The following APLF variants were observed in gnomAD, a reference collection of about 807,000 sequenced individuals.
APLF encodes the protein aprataxin and PNKP like factor.
Under a neutral mutation model 55.6 loss-of-function variants are expected in APLF, and 61 were observed. That is an observed-to-expected ratio of 1.10 (90% CI 0.89 to 1.36). APLF has a LOEUF of 1.36. Among genes scored for constraint, APLF ranks in the 40% most tolerant of loss-of-function variants. APLF has a pLI of 0.00. For missense variants in APLF, 611 were observed against 602.5 expected (o/e 1.01, Z -0.15); for synonymous variants, 207 against 214.8 (o/e 0.96, Z 0.32).
rs140086803 is a variant in APLF at position 68,538,816 on chromosome 2, G to A, written c.1160+589G>A. ...TATACTTTCATCCATAGTGTTTATA[G>A]TAACATGTTTATAATTACATAACCC... is the stretch of plus-strand genomic sequence containing the variant. On this transcript the variant is annotated intron_variant, in intron 7 of 9. Coordinates refer to ENST00000303795, the MANE Select transcript of APLF (RefSeq NM_173545.3). Among the ~76,000 whole-genome samples the A allele has an allele frequency of 2.1e-3, 324 of 152,164 alleles. 1 individual carries two copies. The highest frequency in any genetic ancestry group is 7.3e-3 in the African/African-American group (304 of 41,524).
At position 68,578,088 on chromosome 2, in the gene APLF, C is replaced by G; in HGVS notation, c.*66C>G. The G allele has an allele frequency of 6.5e-7, 1 of 1,532,628 alleles. No individual in the cohort carries two copies. Among genetic ancestry groups the G allele is most frequent in the South Asian group, 1.3e-5 (1 of 79,642 alleles). The allele number at this position is 1,532,628 out of a possible 1,614,324, so 94.9% of individuals were successfully genotyped here. A position where few individuals can be genotyped will look rare whatever the true frequency, so the allele number is the denominator to read the frequency against. ...TTCTTTGTGGGAAAACATTTATGAA[C>G]TAAGGAGGTACTTAAGTGACAGTTA... On this transcript the variant is annotated 3_prime_UTR_variant, in exon 10 of 10. Transcript: ENST00000303795.
chr2:68,559,266 T>A (rs1671101913), intron 8 of APLF, among the ~76,000 whole-genome samples: 1 of 152,174 alleles, frequency 6.6e-6, no homozygotes, highest in Non-Finnish European at 1.5e-5. Flanking sequence ...GTCAGCTCAG[T>A]TATGTGCCTG....
intron 3 of APLF, among the ~76,000 whole-genome samples, chr2:68,503,480 T>C (rs1015386319): frequency 3.9e-5 from 6 of 152,126 alleles, no homozygotes; most frequent in Non-Finnish European, 5.9e-5. Flanking sequence ...ACTAGACTTA[T>C]AGAAGTAGAT....
At chr2:68,531,670 GTACTCTA>G (rs1223726433) in intron 6 of APLF, among the ~76,000 whole-genome samples, 1 of 152,184 alleles carries the variant, frequency 6.6e-6, no homozygotes, top group Non-Finnish European at 1.5e-5. Flanking sequence ...GAGCCCTTAT[GTACTCTA>G]TTCTCTGAAC....
At chr2:68,476,420 T>A (rs1027258861) in intron 1 of APLF, among the ~76,000 whole-genome samples, 1 of 149,452 alleles carries the variant, frequency 6.7e-6, no homozygotes, top group African/African-American at 2.5e-5. Context: ...GAGGCAGAGA[T>A]TGCAATGAGC....
Position 68,564,657 on chromosome 2 carries a change from CT to C in APLF, c.1287-2680del, listed in dbSNP as rs1464648688. 2.6e-5 allele frequency among the ~76,000 whole-genome samples: 4 copies of C among 152,136 alleles called. No individual in the cohort carries two copies. In the East Asian group the frequency reaches 7.7e-4, roughly 29 times the overall value. On this transcript the variant is annotated intron_variant, in intron 8 of 9. Transcript: ENST00000303795. ...GAGTATGGGTTCTGTTGTTATCTCCCTTTTACATGTGGGAAAACTGAAGCTC... is the reference window on the plus strand; with the variant it reads ...GAGTATGGGTTCTGTTGTTATCTCCCTTTACATGTGGGAAAACTGAAGCTC...
At chr2:68,563,187 G>A (rs1671211906) in intron 8 of APLF, 4 of 985,112 alleles carry the variant, frequency 4.1e-6, no homozygotes, top group African/African-American at 1.7e-5. Flanking sequence ...TATGAAAAGA[G>A]CACGTTCTAG....
chr2:68,562,081 C>A (rs1250270840), intron 8 of APLF, among the ~76,000 whole-genome samples: 1 of 151,754 alleles, frequency 6.6e-6, no homozygotes, highest in South Asian at 2.1e-4. Flanking sequence ...GAAATGATAC[C>A]GTTTGTGATA....
chr2:68,564,166 C>G (rs2104060905), intron 8 of APLF, among the ~76,000 whole-genome samples: 1 of 152,162 alleles, frequency 6.6e-6, no homozygotes. Flanking sequence ...TGACCTGCAC[C>G]AGCATGGTCA....
rs1671674536 is a variant in APLF at position 68,578,302 on chromosome 2, A to T, written c.*280A>T. ...TGGATATTTTTTATGTACTTTGTAT[A>T]TTGGTAATAAAAAGTAAAAGCCATA... On this transcript the variant is annotated 3_prime_UTR_variant, in exon 10 of 10. Transcript: ENST00000303795. 1.8e-6 allele frequency: 2 copies of T among 1,107,298 alleles called. No individual in the cohort carries two copies. Among genetic ancestry groups the T allele is most frequent in the African/African-American group, 1.7e-5 (1 of 60,540 alleles). 68.6% of individuals were successfully genotyped at this position (1,107,298 alleles called of 1,614,324 possible). A position where few individuals can be genotyped will look rare whatever the true frequency, so the allele number is the denominator to read the frequency against.
At chr2:68,531,731 T>C (rs780778888) in intron 6 of APLF, among the ~76,000 whole-genome samples, 19 of 152,376 alleles carry the variant, frequency 1.2e-4, no homozygotes, top group Admixed American at 2.6e-4. Context: ...AGAGAAATTA[T>C]TGTGTTCAGA....
chr2:68,566,296 A>G (rs1250138371), intron 8 of APLF, among the ~76,000 whole-genome samples: 1 of 152,034 alleles, frequency 6.6e-6, no homozygotes, highest in Admixed American at 6.6e-5. Context: ...GCCCTAAAAG[A>G]TATATTATAA....
At chr2:68,487,725 C>A (rs930907360) in intron 1 of APLF, among the ~76,000 whole-genome samples, 4 of 151,974 alleles carry the variant, frequency 2.6e-5, no homozygotes, top group East Asian at 1.9e-4. Flanking sequence ...GTATATCAAT[C>A]GTGACATTAA....
intron 1 of APLF, among the ~76,000 whole-genome samples, chr2:68,486,300 T>G (rs1676172240): frequency 6.6e-6 from 1 of 152,082 alleles, no homozygotes; most frequent in South Asian, 2.1e-4. Context: ...TACTATTGGA[T>G]TTATTTTTTT....
chr2:68,475,636 C>T (rs1033507010), intron 1 of APLF, among the ~76,000 whole-genome samples: 3 of 152,166 alleles, frequency 2.0e-5, no homozygotes, highest in Admixed American at 6.5e-5. Context: ...ATTGCCCCTT[C>T]TTAACATCAG....
At chr2:68,518,606 A>G (rs1217918403) in intron 5 of APLF, among the ~76,000 whole-genome samples, 1 of 113,092 alleles carries the variant, frequency 8.8e-6, no homozygotes, top group Non-Finnish European at 1.7e-5. Flanking sequence ...TATATAATAT[A>G]TCATTAATAT....
rs1039426673 is a variant in APLF at position 68,578,274 on chromosome 2, A to G, written c.*252A>G. 1.8e-5 allele frequency: 22 copies of G among 1,205,250 alleles called. No individual in the cohort carries two copies. Among genetic ancestry groups the G allele is most frequent in the Non-Finnish European group, 2.3e-5 (22 of 964,932 alleles). 74.7% of individuals were successfully genotyped at this position (1,205,250 alleles called of 1,614,324 possible). A position where few individuals can be genotyped will look rare whatever the true frequency, so the allele number is the denominator to read the frequency against. The stretch of plus-strand genomic sequence containing the variant: ...TAGGAAGACAGAGAAGGTAGAGTAA[A>G]AATGGATATTTTTTATGTACTTTGT... On this transcript the variant is annotated 3_prime_UTR_variant, in exon 10 of 10. Coordinates refer to ENST00000303795, the MANE Select transcript of APLF (RefSeq NM_173545.3).
chr2:68,559,889 A>G (rs776382926), intron 8 of APLF, among the ~76,000 whole-genome samples: 15 of 152,092 alleles, frequency 9.9e-5, no homozygotes, highest in Non-Finnish European at 1.5e-4. Flanking sequence ...CCTATAACAA[A>G]CTGTCATGGC....
At chr2:68,525,738 C>CTTTTTTTTTTTTTTTTTTTTTTTT (rs1316999754) in intron 5 of APLF, among the ~76,000 whole-genome samples, 1 of 106,852 alleles carries the variant, frequency 9.4e-6, no homozygotes, top group Admixed American at 9.3e-5. Flanking sequence ...TATTTTCTTT[C>CTTTTTTTTTTTTTTTTTTTTTTTT]TTTCTTTTTT....
Sources: gnomAD v4.1 joint callset for allele counts (sites outside exome capture counted in the v4.1 genomes callset) on GRCh38, gnomAD v4.1.1 for gene constraint, MANE v1.5 for transcripts, NCBI Gene and HGNC (gene_info 2026-07-23, HGNC 2026-07-21) for gene names.